SYNPR: variants seen among roughly 807,000 people sequenced by gnomAD.
The protein encoded by SYNPR is synaptoporin.
Under a neutral mutation model 32.9 loss-of-function variants are expected in SYNPR, and 23 were observed. The observed-to-expected ratio is 0.70, with a 90% CI of 0.50 to 0.99. The LOEUF is 0.99. Ranked by LOEUF, SYNPR falls within the 50% of genes least tolerant of loss-of-function variation. The pLI is 0.00. For missense variants in SYNPR, 318 were observed against 349.3 expected (o/e 0.91, Z 0.71); for synonymous variants, 146 against 135.9 (o/e 1.07, Z -0.52).
chr3:63,371,754 G>T (rs566966737), intron 2 of SYNPR, among the ~76,000 whole-genome samples: 1 of 152,330 alleles, frequency 6.6e-6, no homozygotes, highest in East Asian at 1.9e-4. Flanking sequence ...TCGGACTCTA[G>T]CACAACCACT....
At chr3:63,539,376 G>C (rs1280877783) in intron 3 of SYNPR, among the ~76,000 whole-genome samples, 1 of 152,084 alleles carries the variant, frequency 6.6e-6, no homozygotes, top group Non-Finnish European at 1.5e-5. Context: ...ATGCATGTGT[G>C]TCCCAAACTT....
At chr3:63,261,115 G>C (rs1362256398) in intron 2 of SYNPR, among the ~76,000 whole-genome samples, 4 of 152,208 alleles carry the variant, frequency 2.6e-5, no homozygotes, top group East Asian at 1.9e-4. Context: ...TACACTGTTG[G>C]TGGGACTGCA....
At chr3:63,543,778 G>A (rs561709090) in intron 3 of SYNPR, among the ~76,000 whole-genome samples, 117 of 152,124 alleles carry the variant, frequency 7.7e-4, no homozygotes, top group South Asian at 4.1e-3. Flanking sequence ...AGTAGCCCTC[G>A]TCCCCTACCC....
chr3:63,385,537 G>A (rs1332053167), intron 2 of SYNPR, among the ~76,000 whole-genome samples: 1 of 152,140 alleles, frequency 6.6e-6, no homozygotes, highest in African/African-American at 2.4e-5. Flanking sequence ...ATGAAACAAT[G>A]GATATGAACT....
At chr3:63,586,653 A>AGTGTGTGTGTGTGT (rs1249696080) in intron 4 of SYNPR, among the ~76,000 whole-genome samples, 2 of 95,928 alleles carry the variant, frequency 2.1e-5, no homozygotes, top group African/African-American at 1.1e-4. Context: ...TTGCAGATTC[A>AGTGTGTGTGTGTGT]ATGTGTGTGT....
intron 2 of SYNPR, among the ~76,000 whole-genome samples, chr3:63,355,809 TCATCCAC>T (rs1298286596): frequency 2.0e-5 from 3 of 152,120 alleles, no homozygotes; most frequent in Non-Finnish European, 4.4e-5. Flanking sequence ...TAACTTTGAC[TCATCCAC>T]CATGTCTGAG....
At chr3:63,508,690 C>T (rs954717231) in intron 3 of SYNPR, among the ~76,000 whole-genome samples, 1 of 152,090 alleles carries the variant, frequency 6.6e-6, no homozygotes, top group Non-Finnish European at 1.5e-5. Context: ...TGTGACCAAT[C>T]ACATGGCCTG....
chr3:63,523,241 A>G (rs768227340), intron 3 of SYNPR, among the ~76,000 whole-genome samples: 1 of 152,102 alleles, frequency 6.6e-6, no homozygotes, highest in African/African-American at 2.4e-5. Context: ...AGGGTGCTGG[A>G]TGCTTCCCTT....
chr3:63,539,071 G>C (rs115075035), intron 3 of SYNPR, among the ~76,000 whole-genome samples: 81 of 152,200 alleles, frequency 5.3e-4, no homozygotes, highest in African/African-American at 1.9e-3. Context: ...GGAAGCAAAG[G>C]CCCTTTCTTT....
chr3:63,323,552 T>A (rs965043756), intron 2 of SYNPR, among the ~76,000 whole-genome samples: 3 of 152,118 alleles, frequency 2.0e-5, no homozygotes, highest in African/African-American at 7.2e-5. Context: ...AAATAATTTT[T>A]TTTTGGCATT....
chr3:63,409,188 T>C lies in SYNPR; in HGVS notation c.85-71644T>C, dbSNP rs376250582. On this transcript the variant is annotated intron_variant, in intron 2 of 5. Coordinates refer to ENST00000478300, the MANE Select transcript of SYNPR (RefSeq NM_001130003.2). ...AAAGCCCTTTTTTTCTCCCAACAAGTCTCCTTATATATCAAAAGCTTTGGC... is the reference window on the plus strand; with the variant it reads ...AAAGCCCTTTTTTTCTCCCAACAAGCCTCCTTATATATCAAAAGCTTTGGC... 4.6e-5 allele frequency among the ~76,000 whole-genome samples: 7 copies of C among 152,234 alleles called. No individual in the cohort carries two copies. The East Asian group carries it at 5.8e-4, about 13-fold the overall frequency.
Position 63,282,285 on chromosome 3 carries a change from G to A in SYNPR, c.84+3543G>A, listed in dbSNP as rs202081423. The stretch of plus-strand genomic sequence containing the variant: ...TTTCTTTTTCTGACTAAATGTCGAT[G>A]CATATCATTTTTCTATAAGCAATCA... On this transcript the variant is annotated intron_variant, in intron 2 of 5. Coordinates refer to ENST00000478300, the MANE Select transcript of SYNPR (RefSeq NM_001130003.2). Among the ~76,000 whole-genome samples the A allele has an allele frequency of 2.0e-5, 3 of 152,250 alleles. No individual in the cohort carries two copies. In the East Asian group the frequency reaches 5.8e-4, roughly 29 times the overall value.
At chr3:63,310,141 C>T (rs558698500) in intron 2 of SYNPR, among the ~76,000 whole-genome samples, 5 of 152,006 alleles carry the variant, frequency 3.3e-5, no homozygotes, top group South Asian at 2.1e-4. Flanking sequence ...CCAACTGCCT[C>T]GTATACTCTT....
At chr3:63,443,812 A>G (rs1446330130) in intron 2 of SYNPR, among the ~76,000 whole-genome samples, 1 of 152,172 alleles carries the variant, frequency 6.6e-6, no homozygotes, top group Non-Finnish European at 1.5e-5. Flanking sequence ...AATATCCTAA[A>G]TACATTCATT....
chr3:63,612,598 A>G (rs1453007316), intron 5 of SYNPR, among the ~76,000 whole-genome samples: 1 of 152,182 alleles, frequency 6.6e-6, no homozygotes, highest in African/African-American at 2.4e-5. Context: ...CCAACAAAAT[A>G]GCAAAAAAGA....
chr3:63,205,186 C>G, the SYNPR span, among the ~76,000 whole-genome samples: 2 of 152,130 alleles, frequency 1.3e-5, no homozygotes, highest in Non-Finnish European at 2.9e-5. Flanking sequence ...TCTCACCTTC[C>G]TTTTTCACAG....
chr3:63,205,910 G>A, the SYNPR span, among the ~76,000 whole-genome samples: 31 of 152,262 alleles, frequency 2.0e-4, no homozygotes, highest in African/African-American at 6.3e-4. Flanking sequence ...TAAATACAGC[G>A]GTGAAAATCT....
intron 3 of SYNPR, among the ~76,000 whole-genome samples, chr3:63,548,450 T>C (rs1164442172): frequency 6.6e-6 from 1 of 152,190 alleles, no homozygotes. Context: ...TAGTGGTTTA[T>C]GTTGTGAATC....
intron 3 of SYNPR, among the ~76,000 whole-genome samples, chr3:63,550,642 T>C (rs551861005): frequency 6.6e-6 from 1 of 152,304 alleles, no homozygotes; most frequent in South Asian, 2.1e-4. Flanking sequence ...CACACAAAGA[T>C]TGCAGACCTA....
Sources: allele counts gnomAD v4.1 joint callset (sites outside exome capture counted in the v4.1 genomes callset), GRCh38; gene constraint gnomAD v4.1.1; transcripts MANE v1.5; gene names NCBI Gene and HGNC (gene_info 2026-07-23, HGNC 2026-07-21).